HINT3: variants seen among roughly 807,000 people sequenced by gnomAD.
HINT3 encodes the protein histidine triad nucleotide binding protein 3, also known as adenosine 5'-monophosphoramidase HINT3.
In HINT3, 16 loss-of-function variants were observed where a neutral mutation model predicts 19.1. That is an observed-to-expected ratio of 0.84 (90% CI 0.57 to 1.27). The LOEUF (loss-of-function observed/expected upper bound fraction) is 1.27, where lower values mean the gene tolerates loss of function less well. Among genes scored for constraint, HINT3 ranks in the 50% most tolerant of loss-of-function variants. The probability of loss-of-function intolerance (pLI) is 0.00; values close to 1 mark genes in which losing one functional copy is unlikely to be tolerated. For synonymous variants in HINT3, 75 were observed against 84.8 expected, an observed-to-expected ratio of 0.88 and a Z score of 0.63; for missense variants, 197 against 225.8, an observed-to-expected ratio of 0.87 and a Z score of 0.82.
intron 3 of HINT3, 149 bp from the exon 4 acceptor site, chr6:125,974,698 T>A: frequency 1.4e-6 from 1 of 709,350 alleles, no homozygotes; most frequent in Non-Finnish European, 2.3e-6. Context: ...TCCTCTGAAG[T>A]GCATAAAGAG....
chr6:125,972,210 G>T, intron 2 of HINT3, 49 bp from the exon 3 acceptor site: 1 of 1,208,346 alleles, frequency 8.3e-7, no homozygotes, highest in South Asian at 1.3e-5. Flanking sequence ...GGCAATTTGT[G>T]ACCTTAATGT....
chr6:125,966,983 A>C lies in HINT3; in HGVS notation c.298A>C (p.Arg100=). Residue 100 remains arginine, a synonymous_variant, in exon 2 of 5, where the codon AGG becomes CGG. Transcript: ENST00000229633. ...KKHIGNCRTL[R]KDQVELVENM... The stretch of plus-strand genomic sequence containing the variant: ...GCATATTGGAAACTGCAGAACTCTA[A>C]GGAAAGATCAAGTAGAACTGGGTAA... 1 of 1,605,120 alleles carries C rather than the reference A, an allele frequency of 6.2e-7. No individual in the cohort carries two copies. Among genetic ancestry groups the C allele is most frequent in the Non-Finnish European group, 8.5e-7 (1 of 1,172,770 alleles).
At chr6:125,960,228 G>A (rs1788898812) in intron 1 of HINT3, among the ~76,000 whole-genome samples, 1 of 152,242 alleles carries the variant, frequency 6.6e-6, no homozygotes, top group Non-Finnish European at 1.5e-5. Flanking sequence ...GGTCATACCA[G>A]TCTGCTTAGT....
At chr6:125,964,731 GT>G (rs1314490880) in intron 1 of HINT3, among the ~76,000 whole-genome samples, 1 of 102,788 alleles carries the variant, frequency 9.7e-6, no homozygotes, top group Non-Finnish European at 1.9e-5. Flanking sequence ...GCAAAGAATA[GT>G]TTTATACACA....
At chr6:125,969,033 G>A (rs1173290542) in intron 2 of HINT3, among the ~76,000 whole-genome samples, 1 of 152,120 alleles carries the variant, frequency 6.6e-6, no homozygotes, top group Non-Finnish European at 1.5e-5. Flanking sequence ...GTCAATTTGT[G>A]TTTTTATTGC....
intron 2 of HINT3, 75 bp downstream of exon 2, chr6:125,967,079 G>A (rs1385012982): frequency 2.1e-6 from 2 of 933,160 alleles, no homozygotes; most frequent in African/African-American, 1.7e-5. Flanking sequence ...AGATTAAAAA[G>A]AAAAAGTCTA....
intron 1 of HINT3, among the ~76,000 whole-genome samples, chr6:125,963,253 G>A (rs117560632): frequency 0.036 from 5,513 of 152,216 alleles, 136 homozygotes; most frequent in Non-Finnish European, 0.053. Context: ...CATCCGTGAA[G>A]CTAGTGATAA....
chr6:125,966,350 T>G (rs2128711239), intron 1 of HINT3, among the ~76,000 whole-genome samples: 1 of 152,362 alleles, frequency 6.6e-6, no homozygotes, highest in East Asian at 1.9e-4. Flanking sequence ...TTTCAGTCTT[T>G]TTAATACTGT....
rs1234139832 is a variant in HINT3 at position 125,962,265 on chromosome 6, T to C, written c.202-4622T>C. On this transcript the variant is annotated intron_variant, in intron 1 of 4. Coordinates refer to ENST00000229633, the MANE Select transcript of HINT3 (RefSeq NM_138571.5). ...ATATATATATACACACATATATATA[T>C]ATATACATACATATATATATACACA... 1.7e-4 allele frequency among the ~76,000 whole-genome samples: 8 copies of C among 46,614 alleles called. 2 individuals are homozygous for C. Among genetic ancestry groups the C allele is most frequent in the African/African-American group, 6.8e-4 (5 of 7,326 alleles). The allele number at this position is 46,614 out of a possible 152,430, so 30.6% of individuals were successfully genotyped here.
At chr6:125,971,201 G>A (rs1380332160) in intron 2 of HINT3, among the ~76,000 whole-genome samples, 1 of 152,198 alleles carries the variant, frequency 6.6e-6, no homozygotes, top group Non-Finnish European at 1.5e-5. Context: ...AAAGGAGATG[G>A]AATTTGGAAG....
At chr6:125,974,408 G>C (rs530677910) in intron 3 of HINT3, among the ~76,000 whole-genome samples, 2 of 152,274 alleles carry the variant, frequency 1.3e-5, no homozygotes, top group South Asian at 4.1e-4. Context: ...GGAAATGTCT[G>C]AGTACTTTAT....
chr6:125,965,073 TA>T (rs1321956115), intron 1 of HINT3, among the ~76,000 whole-genome samples: 11 of 152,154 alleles, frequency 7.2e-5, no homozygotes, highest in African/African-American at 2.7e-4. Flanking sequence ...ATTGGGAAAA[TA>T]AATTATTGAT....
chr6:125,960,427 G>A (rs1042594201), intron 1 of HINT3, among the ~76,000 whole-genome samples: 4 of 152,196 alleles, frequency 2.6e-5, no homozygotes, highest in African/African-American at 7.2e-5. Flanking sequence ...GGGAGGCTGA[G>A]GCAGGCGGAT....
intron 3 of HINT3, among the ~76,000 whole-genome samples, chr6:125,972,805 G>A (rs950423431): frequency 3.3e-5 from 5 of 152,056 alleles, no homozygotes; most frequent in Non-Finnish European, 7.4e-5. Flanking sequence ...GCCCAGGCTT[G>A]TCTCAAACTC....
At position 125,979,781 on chromosome 6, in the gene HINT3, G is replaced by A. The variant is rs1789225107; in HGVS notation, c.*2105G>A. ...AGAAAAAAAAACAATAATAGGTAAA[G>A]TATTTAAGGAATTCTCAGATGCCTT... On this transcript the variant is annotated 3_prime_UTR_variant, in exon 5 of 5. Transcript: ENST00000229633. 1 of 152,092 alleles carries A rather than the reference G, an allele frequency of 6.6e-6. No homozygotes were observed. The highest frequency in any genetic ancestry group is 2.4e-5 in the African/African-American group (1 of 41,404). 9.4% of individuals were successfully genotyped at this position (152,092 alleles called of 1,614,324 possible).
chr6:125,963,572 A>G (rs1788975347), intron 1 of HINT3, among the ~76,000 whole-genome samples: 1 of 152,234 alleles, frequency 6.6e-6, no homozygotes, highest in African/African-American at 2.4e-5. Context: ...AAGTCAGGAT[A>G]GGCTAGCTCT....
At position 125,977,739 on chromosome 6, in the gene HINT3, T is replaced by C; in HGVS notation, c.*63T>C. Reference sequence around the variant, plus strand: ...AGCATGAAGTGGTATTTAGGTCCCTTTTAAGTCTAATTGCAATTTTAAGAT... The same window carrying C: ...AGCATGAAGTGGTATTTAGGTCCCTCTTAAGTCTAATTGCAATTTTAAGAT... On this transcript the variant is annotated 3_prime_UTR_variant, in exon 5 of 5. Coordinates refer to ENST00000229633, the MANE Select transcript of HINT3 (RefSeq NM_138571.5). The C allele has an allele frequency of 1.1e-6, 1 of 949,630 alleles. No individual in the cohort carries two copies. Among genetic ancestry groups the C allele is most frequent in the Non-Finnish European group, 1.6e-6 (1 of 641,406 alleles). The allele number at this position is 949,630 out of a possible 1,614,324, so 58.8% of individuals were successfully genotyped here.
chr6:125,964,737 TACACACACACACAC>T (rs3083382), intron 1 of HINT3, among the ~76,000 whole-genome samples: 284 of 148,550 alleles, frequency 1.9e-3, no homozygotes, highest in South Asian at 5.3e-3. Context: ...AATAGTTTTA[TACACACACACACAC>T]ACACACACAC....
At position 125,980,056 on chromosome 6, in the gene HINT3, T is replaced by A. The variant is rs574482025; in HGVS notation, c.*2380T>A. 3 of 152,330 alleles carry A rather than the reference T, an allele frequency of 2.0e-5. No individual in the cohort carries two copies. The Middle Eastern group carries it at 0.01, about 518-fold the overall frequency. 9.4% of individuals were successfully genotyped at this position (152,330 alleles called of 1,614,324 possible). ...TTTAGCCTTTTCAGTAGTCTAAATA[T>A]TTGGTAACTCCCTAGCCATCTATAA... On this transcript the variant is annotated 3_prime_UTR_variant, in exon 5 of 5. Coordinates refer to ENST00000229633, the MANE Select transcript of HINT3 (RefSeq NM_138571.5).
Sources: allele counts gnomAD v4.1 joint callset (sites outside exome capture counted in the v4.1 genomes callset), GRCh38; gene constraint gnomAD v4.1.1; transcripts MANE v1.5; gene names NCBI Gene and HGNC (gene_info 2026-07-23, HGNC 2026-07-21).